The following ABCC4 variants were observed in gnomAD, a reference collection of about 807,000 sequenced individuals.
ABCC4 encodes ATP binding cassette subfamily C member 4 (PEL blood group).
In ABCC4, 102 loss-of-function variants were observed where a neutral mutation model predicts 168.5. The observed-to-expected ratio is 0.61, with a 90% confidence interval of 0.52 to 0.71. ABCC4 has a LOEUF of 0.71. Ranked by LOEUF, ABCC4 falls within the 30% of genes least tolerant of loss-of-function variation. The pLI, the probability that ABCC4 is intolerant of heterozygous loss-of-function variation, is 0.00. For missense variants in ABCC4, 1,402 were observed against 1,605.8 expected, an observed-to-expected ratio of 0.87 and a Z score of 2.17; for synonymous variants, 617 against 590.7, an observed-to-expected ratio of 1.04 and a Z score of -0.65.
At chr13:95,022,061 C>A (rs780801962) in intron 30 of ABCC4, among the ~76,000 whole-genome samples, 1 of 152,132 alleles carries the variant, frequency 6.6e-6, no homozygotes, top group Non-Finnish European at 1.5e-5. Flanking sequence ...CATTTTCACA[C>A]GTAAAATGAG....
chr13:95,208,335 CAAAA>C (rs757937530), intron 6 of ABCC4, among the ~76,000 whole-genome samples: 1 of 75,808 alleles, frequency 1.3e-5, no homozygotes, highest in Non-Finnish European at 2.7e-5. Flanking sequence ...AAGAGGAGAG[CAAAA>C]AAAAAAAAAA....
At chr13:95,037,636 T>A (rs2139229214) in intron 29 of ABCC4, among the ~76,000 whole-genome samples, 2 of 152,346 alleles carry the variant, frequency 1.3e-5, no homozygotes, top group Middle Eastern at 3.4e-3. Flanking sequence ...TTATTTACTT[T>A]CAGTTTCTTT....
intron 19 of ABCC4, among the ~76,000 whole-genome samples, chr13:95,128,629 C>T (rs894961305): frequency 1.3e-5 from 2 of 152,170 alleles, no homozygotes; most frequent in Non-Finnish European, 2.9e-5. Flanking sequence ...AAATCACAGA[C>T]TCAGAACCTA....
chr13:95,210,638 G>A (rs2038926727), intron 5 of ABCC4, 54 bp downstream of exon 5: 8 of 1,430,744 alleles, frequency 5.6e-6, no homozygotes, highest in Non-Finnish European at 7.9e-6. Context: ...AAGAATAAAA[G>A]GGGAAAGAGG....
intron 21 of ABCC4, among the ~76,000 whole-genome samples, chr13:95,076,745 G>A (rs2033921930): frequency 6.6e-6 from 1 of 151,750 alleles, no homozygotes; most frequent in Non-Finnish European, 1.5e-5. Flanking sequence ...GATTACAAGT[G>A]TGAGCCACCG....
intron 30 of ABCC4, among the ~76,000 whole-genome samples, chr13:95,024,215 A>AC (rs2031262648): frequency 6.6e-6 from 1 of 151,356 alleles, no homozygotes; most frequent in African/African-American, 2.4e-5. Flanking sequence ...TCAAAAAAAA[A>AC]AAAAAAAAAA....
intron 1 of ABCC4, among the ~76,000 whole-genome samples, chr13:95,276,673 T>C (rs1474742540): frequency 1.3e-5 from 2 of 152,082 alleles, no homozygotes; most frequent in Non-Finnish European, 2.9e-5. Context: ...GAAGTAGCCT[T>C]CAACCCCTCT....
chr13:95,259,861 A>AGG (rs1235781507), intron 1 of ABCC4, among the ~76,000 whole-genome samples: 2 of 151,972 alleles, frequency 1.3e-5, no homozygotes, highest in East Asian at 3.9e-4. Flanking sequence ...GTGGGGAAAA[A>AGG]AAAAAAAAAA....
intron 20 of ABCC4, among the ~76,000 whole-genome samples, chr13:95,112,122 G>A (rs2035224219): frequency 6.6e-6 from 1 of 152,204 alleles, no homozygotes; most frequent in South Asian, 2.1e-4. Flanking sequence ...GGAGGCCGAG[G>A]TGGGTGGATC....
intron 1 of ABCC4, among the ~76,000 whole-genome samples, chr13:95,255,686 T>A (rs1487338760): frequency 1.3e-5 from 2 of 152,210 alleles, no homozygotes; most frequent in Admixed American, 1.3e-4. Context: ...TTCACTCTAC[T>A]ACCTGTTGTT....
chr13:95,216,608 CA>C (rs199711816), intron 4 of ABCC4, among the ~76,000 whole-genome samples: 226 of 125,468 alleles, frequency 1.8e-3, no homozygotes, highest in African/African-American at 5.8e-3. Flanking sequence ...AGGAAATTCA[CA>C]AAAAAAAAAA....
chr13:95,274,283 T>G (rs1294899547), intron 1 of ABCC4, among the ~76,000 whole-genome samples: 1 of 152,170 alleles, frequency 6.6e-6, no homozygotes, highest in Non-Finnish European at 1.5e-5. Flanking sequence ...TCTTGACGTT[T>G]TGGAAACCTC....
intron 8 of ABCC4, among the ~76,000 whole-genome samples, chr13:95,196,293 C>T (rs2038412983): frequency 6.6e-6 from 1 of 152,142 alleles, no homozygotes; most frequent in Admixed American, 6.5e-5. Flanking sequence ...CAGCCTTGAA[C>T]AAGGACCACT....
At chr13:95,083,326 C>G (rs1200029892) in intron 20 of ABCC4, 36 bp from the exon 21 acceptor site, 2 of 1,604,192 alleles carry the variant, frequency 1.2e-6, no homozygotes, top group Non-Finnish European at 8.5e-7. Flanking sequence ...TTTTCCTTAT[C>G]AAGTATTCTT....
chr13:95,227,413 G>T (rs1157281234), intron 4 of ABCC4, among the ~76,000 whole-genome samples: 1 of 152,142 alleles, frequency 6.6e-6, no homozygotes, highest in Non-Finnish European at 1.5e-5. Flanking sequence ...GGGGAGAAAA[G>T]TTTTTGAAAC....
chr13:95,166,409 G>C, intron 14 of ABCC4, 42 bp from the exon 15 acceptor site: 1 of 1,511,346 alleles, frequency 6.6e-7, no homozygotes, highest in Non-Finnish European at 9.1e-7. Flanking sequence ...ACATGTGCAG[G>C]TGATAATGTT....
At chr13:95,032,521 A>C (rs1329096122) in intron 30 of ABCC4, among the ~76,000 whole-genome samples, 1 of 152,258 alleles carries the variant, frequency 6.6e-6, no homozygotes, top group Non-Finnish European at 1.5e-5. Flanking sequence ...GATTCAAAGA[A>C]ATATCCTACA....
intron 16 of ABCC4, among the ~76,000 whole-genome samples, chr13:95,164,040 C>CAAAAAAA (rs764381643): frequency 1.3e-5 from 1 of 74,732 alleles, no homozygotes. Context: ...AACTCCATCT[C>CAAAAAAA]AAAAAAAAAA....
chr13:95,200,428 A>G (rs2038591180), intron 8 of ABCC4, among the ~76,000 whole-genome samples: 1 of 152,150 alleles, frequency 6.6e-6, no homozygotes, highest in African/African-American at 2.4e-5. Flanking sequence ...GACACTTTCT[A>G]AAGATATTGA....
Sources: gnomAD v4.1 joint callset for allele counts (sites outside exome capture counted in the v4.1 genomes callset) on GRCh38, gnomAD v4.1.1 for gene constraint, MANE v1.5 for transcripts, NCBI Gene and HGNC (gene_info 2026-07-23, HGNC 2026-07-21) for gene names.